Variants in ZFAT observed in about 807,000 individuals in gnomAD.
The protein encoded by ZFAT is zinc finger and AT-hook domain containing.
Under a neutral mutation model 117.7 loss-of-function variants are expected in ZFAT, and 64 were observed. The observed-to-expected ratio is 0.54, with a 90% confidence interval of 0.44 to 0.67. The LOEUF (loss-of-function observed/expected upper bound fraction) is 0.67, where lower values mean the gene tolerates loss of function less well. Among genes scored for constraint, ZFAT ranks in the 30% least tolerant of loss-of-function variants. The pLI is 0.00. For missense variants in ZFAT, 1,433 were observed against 1,584.5 expected (o/e 0.90, Z 1.62); for synonymous variants, 679 against 615.0 (o/e 1.10, Z -1.54).
At chr8:134,500,173 G>T (rs1818864889) in intron 15 of ZFAT, among the ~76,000 whole-genome samples, 1 of 152,214 alleles carries the variant, frequency 6.6e-6, no homozygotes, top group African/African-American at 2.4e-5. Flanking sequence ...ACTTCCCAGG[G>T]TGAAGCTGCC....
chr8:134,533,671 A>G (rs1337698861), intron 11 of ZFAT, among the ~76,000 whole-genome samples: 1 of 152,198 alleles, frequency 6.6e-6, no homozygotes, highest in Admixed American at 6.5e-5. Context: ...GGTAAAATCT[A>G]TTTCTCATGC....
chr8:134,755,563 G>A, the ZFAT span, among the ~76,000 whole-genome samples: 423 of 151,926 alleles, frequency 2.8e-3, 1 homozygote, highest in African/African-American at 9.5e-3. Context: ...TGTAATCCCC[G>A]CACTGTGGGA....
chr8:134,815,119 A>T, the ZFAT span, among the ~76,000 whole-genome samples: 1 of 152,182 alleles, frequency 6.6e-6, no homozygotes, highest in African/African-American at 2.4e-5. Flanking sequence ...GTTAATATTA[A>T]CTTAATGCTT....
chr8:134,534,567 G>C (rs373768153), intron 11 of ZFAT, among the ~76,000 whole-genome samples: 2 of 151,252 alleles, frequency 1.3e-5, no homozygotes, highest in African/African-American at 4.9e-5. Context: ...AGAAGGAGAG[G>C]AGGAGGAAGA....
chr8:134,665,521 G>A (rs1307866481), intron 1 of ZFAT, among the ~76,000 whole-genome samples: 1 of 152,216 alleles, frequency 6.6e-6, no homozygotes, highest in African/African-American at 2.4e-5. Context: ...ACAAGACAGG[G>A]TTCAGGCTTT....
At chr8:134,731,036 AGAG>A in the ZFAT span, among the ~76,000 whole-genome samples, 1 of 152,188 alleles carries the variant, frequency 6.6e-6, no homozygotes, top group Non-Finnish European at 1.5e-5. Context: ...TAGCTTAGAG[AGAG>A]GAGAAGCATC....
At chr8:134,723,411 G>A in the ZFAT span, 2 of 152,480 alleles carry the variant, frequency 1.3e-5, no homozygotes, top group South Asian at 4.1e-4. Context: ...GGAGGTCAGA[G>A]AGGAATGATG....
At chr8:134,557,774 T>C (rs1163923907) in intron 11 of ZFAT, among the ~76,000 whole-genome samples, 3 of 152,206 alleles carry the variant, frequency 2.0e-5, no homozygotes, top group East Asian at 3.8e-4. Context: ...AATTACACTA[T>C]ATGTAAATGG....
At chr8:134,509,827 G>C (rs949108934) in intron 14 of ZFAT, 78 bp from the exon 15 acceptor site, 16 of 1,513,168 alleles carry the variant, frequency 1.1e-5, no homozygotes, top group Non-Finnish European at 1.3e-5. Flanking sequence ...CAGCCTGTCT[G>C]TTCTCTCGGG....
At chr8:134,499,758 G>T (rs950378946) in intron 15 of ZFAT, among the ~76,000 whole-genome samples, 1 of 152,238 alleles carries the variant, frequency 6.6e-6, no homozygotes, top group African/African-American at 2.4e-5. Context: ...GTTTTGAGTA[G>T]CAAGGGCTTA....
the ZFAT span, among the ~76,000 whole-genome samples, chr8:134,759,477 T>C: frequency 5.9e-5 from 9 of 152,154 alleles, no homozygotes; most frequent in Non-Finnish European, 1.3e-4. Context: ...TGAACAGTAG[T>C]AAATTGCCAA....
At chr8:134,577,313 C>G (rs2130820668) in intron 10 of ZFAT, among the ~76,000 whole-genome samples, 1 of 152,308 alleles carries the variant, frequency 6.6e-6, no homozygotes, top group South Asian at 2.1e-4. Flanking sequence ...AGGAATGCCA[C>G]AGATAGGGAT....
chr8:134,753,115 C>T, the ZFAT span, among the ~76,000 whole-genome samples: 1 of 152,044 alleles, frequency 6.6e-6, no homozygotes, highest in Non-Finnish European at 1.5e-5. Flanking sequence ...GTGGGAGGAT[C>T]GCCTGAGTCC....
chr8:134,826,806 T>C, the ZFAT span, among the ~76,000 whole-genome samples: 1 of 152,196 alleles, frequency 6.6e-6, no homozygotes, highest in African/African-American at 2.4e-5. Flanking sequence ...TTAAACTACA[T>C]TTGGCAACTG....
At chr8:134,777,607 G>A in the ZFAT span, among the ~76,000 whole-genome samples, 13 of 152,164 alleles carry the variant, frequency 8.5e-5, no homozygotes, top group African/African-American at 3.1e-4. Flanking sequence ...CATAGTAGAT[G>A]CTATTTAAAT....
intron 12 of ZFAT, among the ~76,000 whole-genome samples, chr8:134,528,851 C>T (rs529270821): frequency 2.0e-4 from 30 of 152,342 alleles, no homozygotes; most frequent in African/African-American, 6.3e-4. Flanking sequence ...ATACCACCAA[C>T]GACTGCCTTG....
chr8:134,695,641 A>G (rs1194259838), intron 1 of ZFAT, among the ~76,000 whole-genome samples: 1 of 118,840 alleles, frequency 8.4e-6, no homozygotes, highest in African/African-American at 3.4e-5. Flanking sequence ...AGGTGGCGCC[A>G]CTCCCCAAGC....
the ZFAT span, among the ~76,000 whole-genome samples, chr8:134,727,968 A>G: frequency 1.2e-4 from 19 of 152,232 alleles, no homozygotes; most frequent in African/African-American, 4.3e-4. Flanking sequence ...CTATGGGCCA[A>G]GCAAACAGGC....
At chr8:134,591,275 T>A (rs1826483337) in intron 7 of ZFAT, among the ~76,000 whole-genome samples, 1 of 152,172 alleles carries the variant, frequency 6.6e-6, no homozygotes, top group East Asian at 1.9e-4. Context: ...GGAGCCAGTG[T>A]TGGAAGTAGA....
Sources: allele counts gnomAD v4.1 joint callset (sites outside exome capture counted in the v4.1 genomes callset), GRCh38; gene constraint gnomAD v4.1.1; transcripts MANE v1.5; gene names NCBI Gene and HGNC (gene_info 2026-07-23, HGNC 2026-07-21).